Variants in DMD observed in about 807,000 individuals in gnomAD.
DMD encodes mutant dystrophin.
Under a neutral mutation model 330.1 loss-of-function variants are expected in DMD, and 63 were observed. The ratio of observed to expected loss-of-function variants is 0.19; its 90% CI spans 0.16 to 0.24. The LOEUF (loss-of-function observed/expected upper bound fraction) is 0.24, where lower values mean the gene tolerates loss of function less well. Ranked by LOEUF, DMD falls within the 10% of genes least tolerant of loss-of-function variation. The probability of loss-of-function intolerance (pLI) is 1.00; values close to 1 mark genes in which losing one functional copy is unlikely to be tolerated. For missense variants in DMD, 3,344 were observed against 2,684.1 expected, an observed-to-expected ratio of 1.25 and a Z score of -5.43; for synonymous variants, 1,223 against 959.8, an observed-to-expected ratio of 1.27 and a Z score of -5.07.
chrX:31,781,210 C>T (rs1023140311), intron 50 of DMD, among the ~76,000 whole-genome samples: 3 of 111,686 alleles, frequency 2.7e-5, no homozygotes, highest in Non-Finnish European at 5.6e-5. Context: ...ATGTTATCAT[C>T]CCCCTTTTAC....
intron 55 of DMD, among the ~76,000 whole-genome samples, chrX:31,618,690 G>A (rs913941338): frequency 1.8e-4 from 20 of 111,310 alleles, no homozygotes; most frequent in African/African-American, 6.2e-4. Flanking sequence ...CTATATATTC[G>A]GGTTGAGCAT....
intron 27 of DMD, among the ~76,000 whole-genome samples, chrX:32,445,275 A>G (rs886837894): frequency 2.4e-4 from 27 of 110,747 alleles, no homozygotes; most frequent in African/African-American, 6.5e-4. Context: ...TATATAGAAG[A>G]GGGACAACAG....
intron 5 of DMD, among the ~76,000 whole-genome samples, chrX:32,822,896 A>C (rs2078391838): frequency 9.0e-6 from 1 of 111,296 alleles, no homozygotes. Flanking sequence ...CTAATCTTTT[A>C]TTGGCAATAA....
At chrX:32,840,067 C>G (rs1382508991) in intron 4 of DMD, among the ~76,000 whole-genome samples, 2 of 112,026 alleles carry the variant, frequency 1.8e-5, no homozygotes, top group Non-Finnish European at 3.8e-5. Flanking sequence ...GGTAAAGGTT[C>G]CTTTGTTCCA....
intron 1 of DMD, among the ~76,000 whole-genome samples, chrX:33,134,697 T>C (rs866834516): frequency 8.9e-6 from 1 of 112,182 alleles, no homozygotes. Flanking sequence ...AACATCACGT[T>C]GTACTCGGTA....
chrX:31,791,231 T>C (rs1191452417), intron 50 of DMD, among the ~76,000 whole-genome samples: 1 of 112,406 alleles, frequency 8.9e-6, no homozygotes, highest in Non-Finnish European at 1.9e-5. Context: ...TCTCAATCAT[T>C]TGACAATGGG....
At chrX:31,138,633 GA>G (rs2035574156) in intron 76 of DMD, among the ~76,000 whole-genome samples, 1 of 1,877 alleles carries the variant, frequency 5.3e-4, no homozygotes, top group Non-Finnish European at 1.2e-3. Flanking sequence ...AGGAGAGAGA[GA>G]GAGAGAGAGA....
At chrX:31,582,627 TTTATTA>T (rs2076394012) in intron 55 of DMD, among the ~76,000 whole-genome samples, 1 of 112,091 alleles carries the variant, frequency 8.9e-6, no homozygotes, top group Non-Finnish European at 1.9e-5. Flanking sequence ...GTGACTATTC[TTTATTA>T]ATTGCATTTT....
intron 59 of DMD, among the ~76,000 whole-genome samples, chrX:31,477,888 C>A (rs941958137): frequency 2.7e-5 from 3 of 111,277 alleles, no homozygotes; most frequent in Non-Finnish European, 5.7e-5. Flanking sequence ...TGCCCTGTAA[C>A]TGTTTTAATA....
At chrX:33,320,312 C>T (rs761633813) in intron 1 of DMD, among the ~76,000 whole-genome samples, 4 of 111,155 alleles carry the variant, frequency 3.6e-5, no homozygotes, top group African/African-American at 9.8e-5. Context: ...CAGAAGTAAG[C>T]GGGTTAGAGG....
At chrX:31,631,658 A>G (rs746092605) in intron 54 of DMD, among the ~76,000 whole-genome samples, 6 of 111,467 alleles carry the variant, frequency 5.4e-5, no homozygotes, top group Non-Finnish European at 9.4e-5. Context: ...TAATCCTGAG[A>G]GCACTCTCCA....
chrX:31,425,695 T>TACACACACACAC (rs58343053), intron 60 of DMD, among the ~76,000 whole-genome samples: 2 of 103,591 alleles, frequency 1.9e-5, no homozygotes, highest in African/African-American at 7.7e-5. Flanking sequence ...CAGGCATGAG[T>TACACACACACAC]ACACACACAC....
chrX:32,430,716 C>T (rs1186851127), intron 29 of DMD, among the ~76,000 whole-genome samples: 1 of 111,295 alleles, frequency 9.0e-6, no homozygotes, highest in African/African-American at 3.3e-5. Flanking sequence ...CCATTTTTCC[C>T]TTCCCCTAGC....
At chrX:32,606,289 T>A (rs1359280379) in intron 12 of DMD, among the ~76,000 whole-genome samples, 1 of 110,312 alleles carries the variant, frequency 9.1e-6, no homozygotes, top group African/African-American at 3.3e-5. Context: ...GATGTTTGTC[T>A]TTCTGTGCCT....
intron 23 of DMD, among the ~76,000 whole-genome samples, chrX:32,465,634 G>A (rs1449622125): frequency 2.1e-5 from 2 of 94,493 alleles, no homozygotes; most frequent in African/African-American, 7.9e-5. Context: ...CGCCCAGGCT[G>A]GAGTGAAGTG....
chrX:32,658,074 T>G (rs1410228836), intron 9 of DMD, among the ~76,000 whole-genome samples: 1 of 111,804 alleles, frequency 8.9e-6, no homozygotes, highest in African/African-American at 3.2e-5. Context: ...CCGTAGTCCA[T>G]AGAGTTTGTA....
chrX:32,110,612 G>A (rs73219214), intron 44 of DMD, among the ~76,000 whole-genome samples: 37 of 111,232 alleles, frequency 3.3e-4, no homozygotes, highest in Non-Finnish European at 5.3e-4. Flanking sequence ...CTTTTCCCAG[G>A]TAATAGCATT....
At chrX:31,489,127 C>T (rs1302454881) in intron 57 of DMD, among the ~76,000 whole-genome samples, 1 of 111,898 alleles carries the variant, frequency 8.9e-6, no homozygotes, top group South Asian at 3.7e-4. Flanking sequence ...ATGGTTTACT[C>T]ACTCACACAG....
At chrX:32,351,682 A>G (rs1198325892) in intron 37 of DMD, among the ~76,000 whole-genome samples, 1 of 110,384 alleles carries the variant, frequency 9.1e-6, no homozygotes, top group African/African-American at 3.3e-5. Context: ...CTAAAAATTG[A>G]GGGCCAAAAT....
Sources: allele counts gnomAD v4.1 joint callset (sites outside exome capture counted in the v4.1 genomes callset), GRCh38; gene constraint gnomAD v4.1.1; transcripts MANE v1.5; gene names NCBI Gene and HGNC (gene_info 2026-07-23, HGNC 2026-07-21).